OSBPL10: variants seen among roughly 807,000 people sequenced by gnomAD.
OSBPL10 encodes oxysterol-binding protein-related protein 10.
OSBPL10 carries 49 observed loss-of-function variants against 81.7 expected under a neutral mutation model. That is an observed-to-expected ratio of 0.60 (90% CI 0.48 to 0.76). The LOEUF (loss-of-function observed/expected upper bound fraction) is 0.76, where lower values mean the gene tolerates loss of function less well. OSBPL10 is among the 30% of genes least tolerant of loss of function. The pLI, the probability that OSBPL10 is intolerant of heterozygous loss-of-function variation, is 0.00. For missense variants in OSBPL10, 923 were observed against 987.8 expected, an observed-to-expected ratio of 0.93 and a Z score of 0.88; for synonymous variants, 419 against 383.6, an observed-to-expected ratio of 1.09 and a Z score of -1.08.
At chr3:32,021,840 A>G (rs976066182) in intron 2 of OSBPL10, among the ~76,000 whole-genome samples, 2 of 152,070 alleles carry the variant, frequency 1.3e-5, no homozygotes, top group East Asian at 3.9e-4. Flanking sequence ...TTAGCTGGGC[A>G]TGGTGGTGCA....
chr3:32,010,760 G>A (rs985598342), intron 2 of OSBPL10, among the ~76,000 whole-genome samples: 9 of 152,120 alleles, frequency 5.9e-5, no homozygotes, highest in African/African-American at 9.7e-5. Flanking sequence ...GCGATTTTCC[G>A]ACAGTCTTAG....
chr3:31,774,272 T>C (rs1245273091), intron 4 of OSBPL10, among the ~76,000 whole-genome samples: 33 of 151,280 alleles, frequency 2.2e-4, no homozygotes, highest in Admixed American at 2.1e-3. Context: ...GAGTGTGAGG[T>C]CAGGTGAGGG....
intron 1 of OSBPL10, among the ~76,000 whole-genome samples, chr3:31,959,187 TCA>T: frequency 6.6e-6 from 1 of 152,156 alleles, no homozygotes; most frequent in East Asian, 1.9e-4. Flanking sequence ...AGATATCGGC[TCA>T]CAGAGAAAAG....
intron 8 of OSBPL10, among the ~76,000 whole-genome samples, chr3:31,675,870 T>C (rs1406481939): frequency 7.1e-6 from 1 of 140,318 alleles, no homozygotes; most frequent in Non-Finnish European, 1.5e-5. Flanking sequence ...GGCGTGAACC[T>C]GGGAGGCGGA....
chr3:31,953,276 C>T (rs1358791763), intron 1 of OSBPL10, among the ~76,000 whole-genome samples: 1 of 151,980 alleles, frequency 6.6e-6, no homozygotes, highest in Non-Finnish European at 1.5e-5. Context: ...AACCTCTCCA[C>T]GGGACAGAAG....
Position 31,815,794 on chromosome 3 carries a change from C to A in OSBPL10, c.729+14246G>T, listed in dbSNP as rs1575563089. On this transcript the variant is annotated intron_variant, in intron 4 of 11. Transcript: ENST00000396556. ...GGTGCCAAGGGGGGTTTGAGTGTCACAGACATGAACTCAGCCAACGTCTCT... is the reference window on the plus strand; with the variant it reads ...GGTGCCAAGGGGGGTTTGAGTGTCAAAGACATGAACTCAGCCAACGTCTCT... Among the ~76,000 whole-genome samples the A allele has an allele frequency of 2.0e-5, 3 of 152,276 alleles. No individual in the cohort carries two copies. The Middle Eastern group carries it at 0.01, about 518-fold the overall frequency.
intron 3 of OSBPL10, among the ~76,000 whole-genome samples, chr3:31,840,886 G>A (rs917177038): frequency 7.2e-5 from 11 of 151,990 alleles, no homozygotes; most frequent in African/African-American, 2.7e-4. Context: ...CACTAAGTTA[G>A]GCTTCTTGTT....
At chr3:32,030,465 T>C (rs1699457220) in intron 2 of OSBPL10, 1 of 693,462 alleles carries the variant, frequency 1.4e-6, no homozygotes, top group Non-Finnish European at 2.7e-6. Flanking sequence ...AGAGAATTAA[T>C]GTGCGTATTA....
chr3:31,740,238 T>C (rs1277584832), intron 5 of OSBPL10, among the ~76,000 whole-genome samples: 1 of 152,052 alleles, frequency 6.6e-6, no homozygotes, highest in Non-Finnish European at 1.5e-5. Context: ...AGAGATGGGT[T>C]TCACCATATT....
At chr3:31,703,210 G>A (rs1312411005) in intron 6 of OSBPL10, among the ~76,000 whole-genome samples, 1 of 152,140 alleles carries the variant, frequency 6.6e-6, no homozygotes, top group Non-Finnish European at 1.5e-5. Flanking sequence ...TTAATAAACT[G>A]GGCAAGGGGA....
chr3:31,926,467 G>A (rs1697079384), intron 1 of OSBPL10, among the ~76,000 whole-genome samples: 3 of 152,138 alleles, frequency 2.0e-5, no homozygotes, highest in Admixed American at 2.0e-4. Flanking sequence ...TGCTGGGGTT[G>A]AGAAGCCGTG....
At chr3:32,068,962 T>C (rs13063954) in intron 1 of OSBPL10, among the ~76,000 whole-genome samples, 100,675 of 151,872 alleles carry the variant, frequency 0.66, 36,584 homozygotes, top group South Asian at 0.81. Context: ...TCCCCTACCC[T>C]ATAACCCTTC....
At chr3:31,860,732 G>A (rs1479239268) in intron 3 of OSBPL10, among the ~76,000 whole-genome samples, 1 of 152,170 alleles carries the variant, frequency 6.6e-6, no homozygotes, top group South Asian at 2.1e-4. Flanking sequence ...CAGGAGTGCA[G>A]TGGCACAATA....
At chr3:31,989,721 A>G (rs1698996454) in intron 2 of OSBPL10, 1 of 1,614,042 alleles carries the variant, frequency 6.2e-7, no homozygotes, top group South Asian at 1.1e-5. Context: ...TCTTCCATTC[A>G]TCATTACTCA....
At chr3:31,733,520 G>T (rs2125666922) in intron 5 of OSBPL10, 109 bp from the exon 6 acceptor site, 2 of 1,350,662 alleles carry the variant, frequency 1.5e-6, no homozygotes, top group Non-Finnish European at 1.1e-6. Context: ...AAGGGCATGA[G>T]GTAAAACACA....
rs552100275 is a variant in OSBPL10 at position 31,726,541 on chromosome 3, C to T, written c.1095+6716G>A. 1.0e-3 allele frequency among the ~76,000 whole-genome samples: 159 copies of T among 152,098 alleles called. 1 individual carries two copies. Among genetic ancestry groups the T allele is most frequent in the African/African-American group, 3.7e-3 (153 of 41,496 alleles). On this transcript the variant is annotated intron_variant, in intron 6 of 11. Transcript: ENST00000396556. ...ATGTTGGCCAGGACGGTCTCGATCT[C>T]CCGACCTCATGATCCGCCTGCCTCG...
chr3:31,838,723 C>T (rs377659026), intron 3 of OSBPL10, among the ~76,000 whole-genome samples: 39 of 151,588 alleles, frequency 2.6e-4, no homozygotes, highest in African/African-American at 8.0e-4. Flanking sequence ...TTAGCATCTT[C>T]GAAAAAAATT....
At chr3:31,932,351 T>A (rs1369085035) in intron 1 of OSBPL10, among the ~76,000 whole-genome samples, 1 of 152,192 alleles carries the variant, frequency 6.6e-6, no homozygotes, top group East Asian at 1.9e-4. Flanking sequence ...TGCCTCAAAT[T>A]CAATGCCCTA....
chr3:32,040,415 T>C (rs924341129), intron 2 of OSBPL10, among the ~76,000 whole-genome samples: 1 of 150,656 alleles, frequency 6.6e-6, no homozygotes, highest in African/African-American at 2.4e-5. Flanking sequence ...TCAAAAAATA[T>C]ATATATAGAA....
Sources: gnomAD v4.1 joint callset for allele counts (sites outside exome capture counted in the v4.1 genomes callset) on GRCh38, gnomAD v4.1.1 for gene constraint, MANE v1.5 for transcripts, NCBI Gene and HGNC (gene_info 2026-07-23, HGNC 2026-07-21) for gene names.